Variants in ERCC6L2 observed in about 807,000 individuals in gnomAD.
ERCC6L2 encodes the protein DNA excision repair protein ERCC-6-like 2.
In ERCC6L2, 77 loss-of-function variants were observed where a neutral mutation model predicts 132.0. The observed-to-expected ratio is 0.58, with a 90% CI of 0.49 to 0.71. The LOEUF (loss-of-function observed/expected upper bound fraction) is 0.71, where lower values mean the gene tolerates loss of function less well. Among genes scored for constraint, ERCC6L2 ranks in the 30% least tolerant of loss-of-function variants. ERCC6L2 has a pLI of 0.00. For missense variants in ERCC6L2, 1,542 were observed against 1,837.6 expected, an observed-to-expected ratio of 0.84 and a Z score of 2.94; for synonymous variants, 583 against 632.4, an observed-to-expected ratio of 0.92 and a Z score of 1.17.
At chr9:96,006,882 G>A (rs1285779332) in intron 18 of ERCC6L2, among the ~76,000 whole-genome samples, 4 of 152,148 alleles carry the variant, frequency 2.6e-5, no homozygotes, top group Non-Finnish European at 1.5e-5. Context: ...AATGGGACCA[G>A]AATTTCTGGG....
chr9:95,904,033 A>G (rs540731137), intron 3 of ERCC6L2, among the ~76,000 whole-genome samples: 1 of 152,222 alleles, frequency 6.6e-6, no homozygotes, highest in South Asian at 2.1e-4. Context: ...AAATTTCTGT[A>G]TATGAAATAA....
rs779669701 is a variant in ERCC6L2 at position 95,915,836 on chromosome 9, G to A, written c.950+7G>A. The A allele has an allele frequency of 6.3e-7, 1 of 1,577,520 alleles. No homozygotes were observed. Among genetic ancestry groups the A allele is most frequent in the East Asian group, 2.3e-5 (1 of 44,440 alleles). ...TGTGGTGTGTTATGGACTGGTGAGAGAAAACACTTTTTAAAAAATTGTTTA... is the reference window on the plus strand; with the variant it reads ...TGTGGTGTGTTATGGACTGGTGAGAAAAAACACTTTTTAAAAAATTGTTTA... On this transcript the variant is annotated splice_region_variant and intron_variant, in intron 5 of 18. Coordinates refer to ENST00000653738, the MANE Select transcript of ERCC6L2 (RefSeq NM_020207.7).
At chr9:96,019,892 A>G (rs1416037833), downstream of ERCC6L2, 1 of 152,126 alleles carries the variant, frequency 6.6e-6, no homozygotes, top group Non-Finnish European at 1.5e-5. Context: ...CCCTTTATAA[A>G]AGCATCAGAT....
Position 96,012,685 on chromosome 9 carries a change from A to G in ERCC6L2, c.4135A>G (p.Thr1379Ala). 1 of 1,367,684 alleles carries G rather than the reference A, an allele frequency of 7.3e-7. No homozygotes were observed. The highest frequency in any genetic ancestry group is 2.1e-4 in the Middle Eastern group (1 of 4,768). 84.7% of individuals were successfully genotyped at this position (1,367,684 alleles called of 1,614,324 possible). A position where few individuals can be genotyped will look rare whatever the true frequency, so the allele number is the denominator to read the frequency against. ...GAAAAACAGCCAGGCATCCGAAGAT[A>G]CTGTGACATCCCGTTCTCTGAACAG... is the stretch of plus-strand genomic sequence containing the variant. ...SGKNSQASED[T>A]VTSRSLNSES... Residue 1379 changes from threonine (T) to alanine (A), a missense_variant, in exon 19 of 19, where the codon ACT (threonine) becomes GCT (alanine). Around this residue, in one of 4 missense-constraint regions of ERCC6L2, gnomAD observed 442 missense variants for 583.4 expected, o/e 0.76. Coordinates refer to ENST00000653738, the MANE Select transcript of ERCC6L2 (RefSeq NM_020207.7).
intron 2 of ERCC6L2, among the ~76,000 whole-genome samples, chr9:95,896,270 A>G (rs1423115850): frequency 1.3e-5 from 2 of 152,034 alleles, no homozygotes; most frequent in Middle Eastern, 3.2e-3. Context: ...CTTGAATATC[A>G]TCCGTAGGTA....
At chr9:96,021,818 CGGACGGAGGACAGGGGCGA>C (rs1834296258), downstream of ERCC6L2, 1 of 152,482 alleles carries the variant, frequency 6.6e-6, no homozygotes, top group Non-Finnish European at 1.5e-5. This position sits in a 1 kb window ranked among gnomAD's most constrained non-coding sequence, Gnocchi z 4.7. Context: ...GACTGGGGCT[CGGACGGAGGACAGGGGCGA>C]GGAGGAGGCA....
chr9:96,013,263 TC>T lies in ERCC6L2; in HGVS notation c.*62del. 1 of 1,230,014 alleles carries T rather than the reference TC, an allele frequency of 8.1e-7. No homozygotes were observed. The highest frequency in any genetic ancestry group is 1.1e-6 in the Non-Finnish European group (1 of 936,968). The allele number at this position is 1,230,014 out of a possible 1,614,324, so 76.2% of individuals were successfully genotyped here. ...GCCATCACTGTTTACGGCACTGGAT[TC>T]CACACTGATTCTATTATCTTGAACA... is the stretch of plus-strand genomic sequence containing the variant. On this transcript the variant is annotated 3_prime_UTR_variant, in exon 19 of 19. Transcript: ENST00000653738.
chr9:96,002,009 C>CCGAGTG (rs1427731905), intron 17 of ERCC6L2, among the ~76,000 whole-genome samples: 1 of 152,256 alleles, frequency 6.6e-6, no homozygotes, highest in Non-Finnish European at 1.5e-5. Flanking sequence ...GCTGGCTGCT[C>CCGAGTG]CGAGTGCGGG....
chr9:95,901,626 A>G (rs1416479240), intron 3 of ERCC6L2, among the ~76,000 whole-genome samples: 3 of 152,176 alleles, frequency 2.0e-5, no homozygotes, highest in Admixed American at 6.5e-5. Flanking sequence ...TCAGAGGTGT[A>G]GGGCGGATTG....
rs1441735500 is a variant in ERCC6L2, at chr9:95,923,336, C to T, written c.1490C>T (p.Ala497Val). 6.2e-7 allele frequency: 1 copy of T among 1,613,686 alleles called. No individual in the cohort carries two copies. The highest frequency in any genetic ancestry group is 1.3e-5 in the African/African-American group (1 of 74,880). ...TTTGTGCAGAAAAGCAAAGATGCAG[C>T]CTTTGAAACACTTTCTGACCCTAAA... The part of the protein sequence containing the change: ...PDFVQKSKDA[A>V]FETLSDPKYS... The change falls in exon 9 of 19, where the codon GCC (alanine) becomes GTC (valine). Residue 497 changes from alanine to valine, a missense_variant. Physicochemically the swap from Ala to Val is moderately conservative, Grantham distance 64. Around this residue, in one of 4 missense-constraint regions of ERCC6L2, gnomAD observed 945 missense variants for 1,105.2 expected, o/e 0.86. Coordinates refer to ENST00000653738, the MANE Select transcript of ERCC6L2 (RefSeq NM_020207.7).
chr9:95,962,837 A>G (rs1187067671), intron 13 of ERCC6L2, among the ~76,000 whole-genome samples: 2 of 152,156 alleles, frequency 1.3e-5, no homozygotes, highest in African/African-American at 4.8e-5. Context: ...TCAACTTACA[A>G]TGGGTTTATC....
chr9:95,951,864 C>T (rs10988769), intron 12 of ERCC6L2, among the ~76,000 whole-genome samples: 4,019 of 152,068 alleles, frequency 0.026, 76 homozygotes, highest in Non-Finnish European at 0.039. Flanking sequence ...TTCTACCAAG[C>T]ATTTAAAGAA....
Position 95,881,127 on chromosome 9 carries a change from C to T in ERCC6L2, c.305C>T (p.Ser102Phe), listed in dbSNP as rs573947709. The change falls in exon 2 of 19, where the codon TCT becomes TTT. Residue 102 changes from serine to phenylalanine, a missense_variant. Coordinates refer to ENST00000653738, the MANE Select transcript of ERCC6L2 (RefSeq NM_020207.7). ...PYFPNRKFPS[S>F]SVAFKLSDNG... The stretch of plus-strand genomic sequence containing the variant: ...TTCCCAAACCGAAAATTTCCATCAT[C>T]TTCTGTTGCTTTTAAATTATCTGAC... 1.3e-5 allele frequency: 21 copies of T among 1,613,670 alleles called. No homozygotes were observed. The East Asian group carries it at 2.2e-4, about 17-fold the overall frequency.
At chr9:95,918,849 A>G (rs1829725430) in intron 6 of ERCC6L2, 1 of 153,636 alleles carries the variant, frequency 6.5e-6, no homozygotes, top group African/African-American at 2.4e-5. Flanking sequence ...CTACACAGAG[A>G]TTTCTCAACC....
At position 96,016,848 on chromosome 9, in the gene ERCC6L2, A is replaced by G. The variant is rs139316753; in HGVS notation, c.*3645A>G. 3.9e-4 allele frequency among the ~76,000 whole-genome samples: 59 copies of G among 152,330 alleles called. No individual in the cohort carries two copies. The highest frequency in any genetic ancestry group is 1.4e-3 in the African/African-American group (58 of 41,570). On this transcript the variant is annotated 3_prime_UTR_variant, in exon 19 of 19. Transcript: ENST00000653738. ...GTCAGTCCCAGAAGTTTTATTTGAC[A>G]CTTACTGGTCTATAAAATCCAAAGG...
In ERCC6L2 at chr9:96,005,553, G is replaced by T. The variant is rs61266731; in HGVS notation, c.3674+852G>T. Among the ~76,000 whole-genome samples, 731 of 151,854 alleles carry T rather than the reference G, an allele frequency of 4.8e-3. 6 individuals carry two copies. The highest frequency in any genetic ancestry group is 0.016 in the African/African-American group (656 of 41,386). ...CTGAAGGATAACCATGCAAAGAACC[G>T]GAGTAGGAGCATCTCCAAGGAGGGA... On this transcript the variant is annotated intron_variant, in intron 18 of 18. Transcript: ENST00000653738.
chr9:95,979,385 T>C (rs1170861696), intron 17 of ERCC6L2, among the ~76,000 whole-genome samples: 1 of 152,096 alleles, frequency 6.6e-6, no homozygotes, highest in Non-Finnish European at 1.5e-5. Context: ...CAAAATGCCA[T>C]AACACCCTGC....
chr9:95,900,456 G>T (rs7849540), intron 3 of ERCC6L2, among the ~76,000 whole-genome samples: 1 of 151,072 alleles, frequency 6.6e-6, no homozygotes, highest in African/African-American at 2.4e-5. Flanking sequence ...TAGTTTTTTC[G>T]TTAGTCTTTT....
rs981936716 is a variant in ERCC6L2 at position 95,983,536 on chromosome 9, C to T, written c.3492+5321C>T. ...AGAGGCCTCATTCAACTCTGACTGA[C>T]TCTAACTAGTGGATTAAAGAATGTT... is the stretch of plus-strand genomic sequence containing the variant. On this transcript the variant is annotated intron_variant, in intron 17 of 18. Coordinates refer to ENST00000653738, the MANE Select transcript of ERCC6L2 (RefSeq NM_020207.7). 2.0e-5 allele frequency among the ~76,000 whole-genome samples: 3 copies of T among 152,200 alleles called. No homozygotes were observed. The South Asian group carries it at 6.2e-4, about 32-fold the overall frequency.
Sources: allele counts gnomAD v4.1 joint callset (sites outside exome capture counted in the v4.1 genomes callset), GRCh38; gene constraint gnomAD v4.1.1; regional missense constraint gnomAD v4.1.1; non-coding constraint Gnocchi (gnomAD v3.1); transcripts MANE v1.5; gene names NCBI Gene and HGNC (gene_info 2026-07-23, HGNC 2026-07-21).